Variants in RYR2 observed in about 807,000 individuals in gnomAD.
RYR2 encodes the protein cardiac muscle ryanodine receptor-calcium release channel.
In RYR2, 227 loss-of-function variants were observed where a neutral mutation model predicts 601.1. The ratio of observed to expected loss-of-function variants is 0.38; its 90% CI spans 0.34 to 0.42. The LOEUF (loss-of-function observed/expected upper bound fraction) is 0.42, where lower values mean the gene tolerates loss of function less well. Ranked by LOEUF, RYR2 falls within the 10% of genes least tolerant of loss-of-function variation. RYR2 has a pLI of 1.00. For missense variants in RYR2, 4,646 were observed against 6,156.5 expected (o/e 0.75, Z 8.21); for synonymous variants, 2,223 against 2,175.1 (o/e 1.02, Z -0.61).
chr1:237,395,533 C>CTTTTTTTTTTTTTTTT (rs71180022), intron 10 of RYR2, among the ~76,000 whole-genome samples: 8 of 87,426 alleles, frequency 9.2e-5, no homozygotes, highest in African/African-American at 1.9e-4. Flanking sequence ...GTAGGACTGT[C>CTTTTTTTTTTTTTTTT]TTTTTTTTTT....
At chr1:237,693,525 G>T (rs1325205894) in intron 63 of RYR2, among the ~76,000 whole-genome samples, 2 of 152,126 alleles carry the variant, frequency 1.3e-5, no homozygotes, top group Non-Finnish European at 2.9e-5. Flanking sequence ...AATACCTGAT[G>T]TTATTACAAA....
At chr1:237,462,275 A>G (rs1425019383) in intron 16 of RYR2, among the ~76,000 whole-genome samples, 1 of 152,184 alleles carries the variant, frequency 6.6e-6, no homozygotes, top group Non-Finnish European at 1.5e-5. Context: ...TATTTTGCAC[A>G]GAGAGAAAAC....
intron 1 of RYR2, among the ~76,000 whole-genome samples, chr1:237,048,845 C>T (rs765081233): frequency 2.6e-5 from 4 of 152,022 alleles, no homozygotes; most frequent in Admixed American, 6.6e-5. Context: ...AGGAGAAGAT[C>T]GGGACAAGAG....
chr1:237,590,921 A>G lies in RYR2; in HGVS notation c.4089A>G (p.Lys1363=). Residue 1363 remains lysine (K), a synonymous_variant, in exon 31 of 105, where the codon AAA becomes AAG. Coordinates refer to ENST00000366574, the MANE Select transcript of RYR2 (RefSeq NM_001035.3). ...TGCCCGATCGTGTTGACAAAGACAA[A>G]GAAGCTACTAAACCAGAGTTTAACA... is the stretch of plus-strand genomic sequence containing the variant. ...HLVPDRVDKD[K]EATKPEFNNH... The G allele has an allele frequency of 1.2e-6, 2 of 1,613,948 alleles. No homozygotes were observed. The highest frequency in any genetic ancestry group is 1.7e-6 in the Non-Finnish European group (2 of 1,179,868).
chr1:237,635,050 C>T, intron 44 of RYR2, 58 bp downstream of exon 44: 1 of 1,272,244 alleles, frequency 7.9e-7, no homozygotes, highest in Non-Finnish European at 1.1e-6. Flanking sequence ...ACGGTTTTCT[C>T]AATATTTTAA....
intron 42 of RYR2, among the ~76,000 whole-genome samples, chr1:237,631,773 G>C (rs549693114): frequency 2.0e-5 from 3 of 151,314 alleles, no homozygotes; most frequent in Non-Finnish European, 2.9e-5. Flanking sequence ...GATTAGAGGC[G>C]CCCGCCACCT....
At chr1:237,047,337 A>G (rs935173690) in intron 1 of RYR2, among the ~76,000 whole-genome samples, 3 of 148,426 alleles carry the variant, frequency 2.0e-5, no homozygotes, top group African/African-American at 5.0e-5. Flanking sequence ...AGTCCCTCAC[A>G]TGGCCTGAAT....
At chr1:237,196,733 T>G (rs1313046350) in intron 1 of RYR2, among the ~76,000 whole-genome samples, 1 of 152,208 alleles carries the variant, frequency 6.6e-6, no homozygotes, top group East Asian at 1.9e-4. Flanking sequence ...ATTTTTAAGA[T>G]GTTCCTAACT....
At position 237,697,574 on chromosome 1, in the gene RYR2, T is replaced by C. The variant is rs1327029783; in HGVS notation, c.9068-1391T>C. ...ATTTAACTGTGGCCTGCTATTATGT[T>C]ATATGCTGATATTTTGCTAAATGAT... On this transcript the variant is annotated intron_variant, in intron 63 of 104. Transcript: ENST00000366574. Among the ~76,000 whole-genome samples, 10 of 148,222 alleles carry C rather than the reference T, an allele frequency of 6.7e-5. No homozygotes were observed. The East Asian group carries it at 1.9e-3, about 29-fold the overall frequency.
intron 40 of RYR2, 129 bp from the exon 41 acceptor site, chr1:237,627,678 T>A (rs1679821157): frequency 1.1e-6 from 1 of 906,022 alleles, no homozygotes; most frequent in South Asian, 1.9e-5. Flanking sequence ...TCAAAGAATA[T>A]CTAGAGCCTT....
chr1:237,114,880 C>T (rs903983249), intron 1 of RYR2, among the ~76,000 whole-genome samples: 1 of 152,166 alleles, frequency 6.6e-6, no homozygotes, highest in Non-Finnish European at 1.5e-5. Flanking sequence ...TTACTTGAGT[C>T]AATACCAGTG....
chr1:237,407,606 GTTGTT>G (rs1558767096), intron 10 of RYR2, among the ~76,000 whole-genome samples: 8 of 52,040 alleles, frequency 1.5e-4, no homozygotes, highest in Non-Finnish European at 2.6e-4. Flanking sequence ...TTAAATTGTG[GTTGTT>G]TTTTTTTTTT....
chr1:237,606,626 C>T (rs1190194984), intron 35 of RYR2, among the ~76,000 whole-genome samples: 1 of 152,186 alleles, frequency 6.6e-6, no homozygotes, highest in East Asian at 1.9e-4. Context: ...TCAGAGTCAA[C>T]AGGAAACCTA....
At chr1:237,674,404 T>C (rs1164943455) in intron 59 of RYR2, among the ~76,000 whole-genome samples, 185 bp downstream of exon 59, 1 of 152,018 alleles carries the variant, frequency 6.6e-6, no homozygotes, top group Non-Finnish European at 1.5e-5. Flanking sequence ...TATAACTGAG[T>C]TCCTTTTGCT....
chr1:237,188,539 T>G (rs1300084078), intron 1 of RYR2, among the ~76,000 whole-genome samples: 1 of 152,140 alleles, frequency 6.6e-6, no homozygotes. Context: ...GCAGTTATCA[T>G]TAGGTTATTT....
At chr1:237,117,755 C>CTCTTCTCTTT (rs1670297237) in intron 1 of RYR2, among the ~76,000 whole-genome samples, 2 of 126,496 alleles carry the variant, frequency 1.6e-5, no homozygotes, top group African/African-American at 3.1e-5. Flanking sequence ...CTCTTCTCTT[C>CTCTTCTCTTT]TCTGTTCTGA....
intron 19 of RYR2, among the ~76,000 whole-genome samples, chr1:237,493,304 A>G (rs556274729): frequency 3.9e-4 from 60 of 152,320 alleles, no homozygotes; most frequent in African/African-American, 1.3e-3. Context: ...AAACACATGT[A>G]TAAGAGCTTT....
chr1:237,381,910 A>C (rs974429286), intron 8 of RYR2, among the ~76,000 whole-genome samples: 13 of 152,350 alleles, frequency 8.5e-5, no homozygotes, highest in African/African-American at 3.1e-4. Flanking sequence ...AAAAGGAAAG[A>C]ATTTTTTTTG....
chr1:237,590,130 A>G, intron 30 of RYR2, 129 bp downstream of exon 30: 2 of 827,182 alleles, frequency 2.4e-6, no homozygotes, highest in Non-Finnish European at 3.7e-6. Flanking sequence ...GTTATATAGT[A>G]GTGGAATCTA....
Sources: gnomAD v4.1 joint callset for allele counts (sites outside exome capture counted in the v4.1 genomes callset) on GRCh38, gnomAD v4.1.1 for gene constraint, MANE v1.5 for transcripts, NCBI Gene and HGNC (gene_info 2026-07-23, HGNC 2026-07-21) for gene names.